The following PKD1 variants were observed in gnomAD, a reference collection of about 807,000 sequenced individuals.
PKD1 encodes the protein polycystin 1, transient receptor potential channel interacting, also known as polycystin-1.
A neutral mutation model predicts 361.7 loss-of-function variants in PKD1; 81 were observed. The observed-to-expected ratio is 0.22, with a 90% CI of 0.19 to 0.27. PKD1 has a LOEUF of 0.27. PKD1 is among the 10% of genes least tolerant of loss of function. The pLI is 1.00. For missense variants in PKD1, 6,399 were observed against 6,118.3 expected (o/e 1.05, Z -1.53); for synonymous variants, 3,615 against 2,818.3 (o/e 1.28, Z -8.95).
chr16:2,111,944 C>A (rs951084770), intron 14 of PKD1, 73 bp from the exon 15 acceptor site: 36 of 1,523,278 alleles, frequency 2.4e-5, no homozygotes, highest in African/African-American at 6.8e-5. Context: ...AGAAGCCCCC[C>A]GCCTGAGGAG....
At position 2,102,853 on chromosome 16, in the gene PKD1, C is replaced by T. The variant is rs570792300; in HGVS notation, c.8909G>A (p.Gly2970Asp). ...GAAGGTGTAGGGCCGGTGGTCAGCA[C>T]CCTGGAGTGACTCTGGGCGGATCCT... ...SRRIRPESLQ[G>D]ADHRPYTFFI... Residue 2970 changes from glycine (G) to aspartate (D), a missense_variant, in exon 24 of 46, where the codon GGT becomes GAT. By Grantham distance (94) the Gly-to-Asp change is moderately conservative. Coordinates refer to ENST00000262304, the MANE Select transcript of PKD1 (RefSeq NM_001009944.3). 3 of 1,598,390 alleles carry T rather than the reference C, an allele frequency of 1.9e-6. No homozygotes were observed. The highest frequency in any genetic ancestry group is 3.4e-5 in the Admixed American group (2 of 58,770).
Position 2,090,145 on chromosome 16 carries a change from G to A in PKD1, c.12494C>T (p.Ser4165Phe), listed in dbSNP as rs772013788. 32 of 1,595,640 alleles carry A rather than the reference G, an allele frequency of 2.0e-5. No individual in the cohort carries two copies. Among genetic ancestry groups the A allele is most frequent in the South Asian group, 4.5e-5 (4 of 89,644 alleles). ...FEGMEPLPSR[S>F]SRGSKVSPDV... ...CGGGGATACCTTGGAGCCCCTGGAG[G>A]AGCGAGAGGGCAGCGGCTCCATCCC... Residue 4165 changes from serine to phenylalanine, a missense_variant, in exon 46 of 46, where the codon TCC (serine) becomes TTC (phenylalanine). Transcript: ENST00000262304.
At chr16:2,120,001 C>T in intron 1 of PKD1, 1 of 595,286 alleles carries the variant, frequency 1.7e-6, no homozygotes, top group Non-Finnish European at 3.0e-6. Context: ...CGCCTGGGCC[C>T]AGGATTTTGA....
At chr16:2,130,846 G>A (rs989515040) in intron 1 of PKD1, among the ~76,000 whole-genome samples, 8 of 152,222 alleles carry the variant, frequency 5.3e-5, no homozygotes, top group Non-Finnish European at 8.8e-5. Context: ...TTACATCAGT[G>A]AACCAAGCAC....
At chr16:2,101,481 G>A (rs1173925366) in intron 26 of PKD1, among the ~76,000 whole-genome samples, 1 of 152,136 alleles carries the variant, frequency 6.6e-6, no homozygotes, top group Non-Finnish European at 1.5e-5. Context: ...ACTGGGTGTG[G>A]TGGTGTGCAC....
chr16:2,101,963 C>G (rs1344421008), intron 26 of PKD1, 98 bp downstream of exon 26: 2 of 764,576 alleles, frequency 2.6e-6, no homozygotes, highest in Non-Finnish European at 4.6e-6. Flanking sequence ...CAAAAACTGC[C>G]TTGTTCTGAC....
rs2091895051 is a variant in PKD1 at position 2,097,504 on chromosome 16, C to T, written c.10221-1G>A. ...CTCGCCGGAGGGCCAGCACACCAGA[C>T]TGCAGGTGGCGCGGGTCAGCAAGGT... On this transcript the variant is annotated splice_acceptor_variant, in intron 32 of 45. Coordinates refer to ENST00000262304, the MANE Select transcript of PKD1 (RefSeq NM_001009944.3). LOFTEE classifies it high-confidence loss of function. 4 of 1,601,596 alleles carry T rather than the reference C, an allele frequency of 2.5e-6. No homozygotes were observed. Among genetic ancestry groups the T allele is most frequent in the Non-Finnish European group, 3.4e-6 (4 of 1,179,790 alleles).
chr16:2,116,827 G>A lies in PKD1; in HGVS notation c.1606+6C>T, dbSNP rs770594585. On this transcript the variant is annotated splice_donor_region_variant and intron_variant, in intron 7 of 45. Coordinates refer to ENST00000262304, the MANE Select transcript of PKD1 (RefSeq NM_001009944.3). ...GTCTCAGGCCCCTGCCTGGCCCCCC[G>A]CACACCTCCGGGCTGCAGCTCGCAG... 1.3e-5 allele frequency: 19 copies of A among 1,512,328 alleles called. No homozygotes were observed. Among genetic ancestry groups the A allele is most frequent in the African/African-American group, 5.5e-5 (4 of 72,514 alleles). 93.7% of individuals were successfully genotyped at this position (1,512,328 alleles called of 1,614,324 possible). A position where few individuals can be genotyped will look rare whatever the true frequency, so the allele number is the denominator to read the frequency against.
intron 1 of PKD1, among the ~76,000 whole-genome samples, chr16:2,127,679 G>A (rs1310478183): frequency 6.6e-6 from 1 of 151,504 alleles, no homozygotes; most frequent in Non-Finnish European, 1.5e-5. Flanking sequence ...GCTGAGCCAG[G>A]TCACTGCTAC....
At chr16:2,099,577 G>A (rs1264284972) in intron 30 of PKD1, 67 bp downstream of exon 30, 14 of 1,493,474 alleles carry the variant, frequency 9.4e-6, no homozygotes, top group African/African-American at 2.8e-5. Context: ...GAAAGTGGCG[G>A]CCCTAGGCAT....
At chr16:2,130,064 T>A (rs1194755006) in intron 1 of PKD1, among the ~76,000 whole-genome samples, 2 of 151,616 alleles carry the variant, frequency 1.3e-5, no homozygotes, top group South Asian at 2.1e-4. Context: ...CGTACAGGAG[T>A]GAGCGTGTGA....
chr16:2,123,357 G>T lies in PKD1; in HGVS notation c.216-3979C>A, dbSNP rs2092751823. 7 of 391,702 alleles carry T rather than the reference G, an allele frequency of 1.8e-5. 1 individual carries two copies. Among genetic ancestry groups the T allele is most frequent in the South Asian group, 1.1e-4 (6 of 52,882 alleles). 24.3% of individuals were successfully genotyped at this position (391,702 alleles called of 1,614,324 possible). A position where few individuals can be genotyped will look rare whatever the true frequency, so the allele number is the denominator to read the frequency against. The stretch of plus-strand genomic sequence containing the variant: ...CCCAGGGTGTGGAAGCGTCTGCCCT[G>T]GGTAGGACTCAGGTGCCCCCTGGGT... On this transcript the variant is annotated intron_variant, in intron 1 of 45. Transcript: ENST00000262304.
intron 1 of PKD1, among the ~76,000 whole-genome samples, chr16:2,125,429 G>C (rs1011877856): frequency 1.3e-5 from 2 of 152,198 alleles, no homozygotes; most frequent in African/African-American, 4.8e-5. Flanking sequence ...GGAGCCCCAG[G>C]CTCAGCGGCA....
Position 2,093,107 on chromosome 16 carries a change from G to A in PKD1, c.11017-14C>T. 3.7e-6 allele frequency: 6 copies of A among 1,612,052 alleles called. No homozygotes were observed. The highest frequency in any genetic ancestry group is 5.1e-6 in the Non-Finnish European group (6 of 1,179,878). ...CACCAGGAGGCTCTGGTGGACGGGG[G>A]GGCCCTGTGGTCAGCCTGGCCCCAG... On this transcript the variant is annotated splice_polypyrimidine_tract_variant and intron_variant, in intron 37 of 45. Coordinates refer to ENST00000262304, the MANE Select transcript of PKD1 (RefSeq NM_001009944.3).
In PKD1 at chr16:2,100,236, C is replaced by G. The variant is rs551855121; in HGVS notation, c.9642G>C (p.Leu3214=). Residue 3214 remains leucine (L), a synonymous_variant, in exon 28 of 46, where the codon CTG becomes CTC. Coordinates refer to ENST00000262304, the MANE Select transcript of PKD1 (RefSeq NM_001009944.3). This position sits in a 1 kb window ranked among gnomAD's most constrained non-coding sequence, Gnocchi z 4.4. ...DLQTARSAFF[L]VNDWLSVETE... ...TCTCCACCGAAAGCCAGTCATTGAC[C>G]AGGAAGAAGGCGCTGCGTGCCGTCT... The G allele has an allele frequency of 3.7e-6, 6 of 1,610,652 alleles. No individual in the cohort carries two copies. In the South Asian group the frequency reaches 6.6e-5, roughly 18 times the overall value.
rs2092594640 is a variant in PKD1 at position 2,114,408 on chromosome 16, T to G, written c.2615A>C (p.Asn872Thr). ...GGTGGCCACCAGGGCAGGGCAGACA[T>G]TCTCAAAGCGGGCGCTGACACTGCC... ...PGGSVSARFE[N>T]VCPALVATFV... Residue 872 changes from asparagine to threonine, a missense_variant, in exon 11 of 46, where the codon AAT (asparagine) becomes ACT (threonine). By Grantham distance (65) the Asn-to-Thr change is moderately conservative. Transcript: ENST00000262304. 1 of 1,605,120 alleles carries G rather than the reference T, an allele frequency of 6.2e-7. No individual in the cohort carries two copies. Among genetic ancestry groups the G allele is most frequent in the African/African-American group, 1.3e-5 (1 of 74,894 alleles).
At chr16:2,097,679 C>T (rs763136774) in intron 32 of PKD1, 49 bp downstream of exon 32, 4 of 1,610,758 alleles carry the variant, frequency 2.5e-6, no homozygotes, top group African/African-American at 2.7e-5. Flanking sequence ...CCCGGCACCC[C>T]AGACACAGTG....
intron 32 of PKD1, 96 bp downstream of exon 32, chr16:2,097,632 C>A: frequency 6.2e-7 from 1 of 1,610,504 alleles, no homozygotes; most frequent in Admixed American, 1.7e-5. Context: ...CCACATGGAG[C>A]CACAGACACC....
At position 2,099,958 on chromosome 16, in the gene PKD1, T is replaced by C. The variant is rs1474079108; in HGVS notation, c.9826A>G (p.Thr3276Ala). ...IWDRPPRSRF[T>A]RIQRATCCVL... ...CAGCAGGTGGCCCTCTGGATGCGAG[T>C]GAAACGGCTACGAGGCGGCCGGTCC... The change falls in exon 29 of 46, where the codon ACT (threonine) becomes GCT (alanine). Residue 3276 changes from threonine to alanine, a missense_variant. Coordinates refer to ENST00000262304, the MANE Select transcript of PKD1 (RefSeq NM_001009944.3). 5 of 1,563,704 alleles carry C rather than the reference T, an allele frequency of 3.2e-6. No homozygotes were observed. The highest frequency in any genetic ancestry group is 3.8e-5 in the Admixed American group (2 of 52,446).
Sources: allele counts gnomAD v4.1 joint callset (sites outside exome capture counted in the v4.1 genomes callset), GRCh38; gene constraint gnomAD v4.1.1; non-coding constraint Gnocchi (gnomAD v3.1); transcripts MANE v1.5; gene names NCBI Gene and HGNC (gene_info 2026-07-23, HGNC 2026-07-21).